The following CPNE2 variants were observed in gnomAD, a reference collection of about 807,000 sequenced individuals.
The protein encoded by CPNE2 is copine 2.
CPNE2 carries 42 observed loss-of-function variants against 69.7 expected under a neutral mutation model. The observed-to-expected ratio is 0.60, with a 90% CI of 0.47 to 0.78. The LOEUF is 0.78. CPNE2 is among the 30% of genes least tolerant of loss of function. CPNE2 has a pLI of 0.00. For missense variants in CPNE2, 587 were observed against 732.0 expected (o/e 0.80, Z 2.29); for synonymous variants, 294 against 289.8 (o/e 1.01, Z -0.15).
rs1234794068 is a variant in CPNE2 at position 57,092,864 on chromosome 16, T to A, written c.-36+74T>A. On this transcript the variant is annotated intron_variant, in intron 1 of 15. Transcript: ENST00000290776. This position sits in a 1 kb window ranked among gnomAD's most constrained non-coding sequence, Gnocchi z 5.3. ...TCGGCCTTGGGGCTGGGCTCTTTGA[T>A]CCAGCTGCGGGTCCGAAGGAACCCG... is the stretch of plus-strand genomic sequence containing the variant. 6.6e-6 allele frequency: 1 copy of A among 151,690 alleles called. No individual in the cohort carries two copies. Among genetic ancestry groups the A allele is most frequent in the African/African-American group, 2.4e-5 (1 of 41,356 alleles). 9.4% of individuals were successfully genotyped at this position (151,690 alleles called of 1,614,324 possible). A position where few individuals can be genotyped will look rare whatever the true frequency, so the allele number is the denominator to read the frequency against.
At chr16:57,111,204 A>G (rs1246251892) in intron 2 of CPNE2, among the ~76,000 whole-genome samples, 4 of 148,304 alleles carry the variant, frequency 2.7e-5, no homozygotes, top group African/African-American at 9.9e-5. Context: ...TTTGAGACGG[A>G]ATCTCTCTGT....
In CPNE2 at chr16:57,097,169, A is replaced by T. The variant is rs569659228; in HGVS notation, c.-36+4379A>T. Among the ~76,000 whole-genome samples the T allele has an allele frequency of 7.2e-5, 11 of 152,196 alleles. No individual in the cohort carries two copies. The East Asian group carries it at 1.2e-3, about 16-fold the overall frequency. On this transcript the variant is annotated intron_variant, in intron 1 of 15. Coordinates refer to ENST00000290776, the MANE Select transcript of CPNE2 (RefSeq NM_152727.6). Reference sequence around the variant, plus strand: ...CCAGCTCAAATGTGGCCTCCTCCACACTGCCCTATCACAATCACTTCACCC... The same window carrying T: ...CCAGCTCAAATGTGGCCTCCTCCACTCTGCCCTATCACAATCACTTCACCC...
chr16:57,128,206 T>C (rs151071839), intron 12 of CPNE2, among the ~76,000 whole-genome samples: 1 of 152,206 alleles, frequency 6.6e-6, no homozygotes, highest in African/African-American at 2.4e-5. Context: ...AGGTAAACAA[T>C]GTTTATTTTT....
rs143328669 is a variant in CPNE2, at chr16:57,103,030, G to A, written c.-35-7678G>A. Among the ~76,000 whole-genome samples the A allele has an allele frequency of 9.9e-3, 1,512 of 152,178 alleles. 30 individuals carry two copies. Among genetic ancestry groups the A allele is most frequent in the African/African-American group, 0.035 (1,451 of 41,504 alleles). ...GCTGGGGATTCAGACCTCACATAATGGGTTCCTAACTAATGCCTGGTACTG... is the reference window on the plus strand; with the variant it reads ...GCTGGGGATTCAGACCTCACATAATAGGTTCCTAACTAATGCCTGGTACTG... On this transcript the variant is annotated intron_variant, in intron 1 of 15. Transcript: ENST00000290776.
intron 13 of CPNE2, among the ~76,000 whole-genome samples, chr16:57,135,580 AAGAAAGAG>A (rs1226541758): frequency 1.3e-5 from 2 of 151,596 alleles, no homozygotes; most frequent in Non-Finnish European, 2.9e-5. Flanking sequence ...GGTGGGAGGA[AAGAAAGAG>A]AGATGGGGAG....
intron 1 of CPNE2, among the ~76,000 whole-genome samples, chr16:57,102,664 C>T (rs1380664810): frequency 2.0e-5 from 3 of 151,324 alleles, no homozygotes; most frequent in South Asian, 2.1e-4. Flanking sequence ...TGCAGTGGCA[C>T]GATCTCAGCT....
intron 5 of CPNE2, 102 bp downstream of exon 5, chr16:57,117,669 C>T (rs764504968): frequency 5.5e-5 from 73 of 1,331,330 alleles, no homozygotes; most frequent in Non-Finnish European, 7.1e-5. Context: ...ACCTCCATCA[C>T]ATTCTAGGGA....
At chr16:57,100,288 C>T (rs1258054519) in intron 1 of CPNE2, among the ~76,000 whole-genome samples, 1 of 152,306 alleles carries the variant, frequency 6.6e-6, no homozygotes, top group East Asian at 1.9e-4. Context: ...GATGGAACAG[C>T]ATATGCAGAA....
intron 1 of CPNE2, among the ~76,000 whole-genome samples, chr16:57,109,368 C>T (rs1173451222): frequency 5.3e-5 from 8 of 151,228 alleles, no homozygotes; most frequent in Non-Finnish European, 7.4e-5. Context: ...CCCAGTTACT[C>T]GGGCGGCTGA....
chr16:57,137,103 T>TG (rs768789234), intron 13 of CPNE2, 46 bp from the exon 14 acceptor site: 115 of 1,602,838 alleles, frequency 7.2e-5, no homozygotes, highest in South Asian at 2.4e-4. Flanking sequence ...AGAGTGGGTA[T>TG]GGGGTCAGGG....
intron 15 of CPNE2, chr16:57,147,314 T>G: frequency 2.6e-6 from 1 of 384,620 alleles, no homozygotes. Flanking sequence ...GCATCTCAAG[T>G]GCTCCAGGTA....
At chr16:57,127,701 G>A (rs2069810328) in intron 11 of CPNE2, 148 bp from the exon 12 acceptor site, 1 of 759,154 alleles carries the variant, frequency 1.3e-6, no homozygotes, top group Admixed American at 2.3e-5. Context: ...TCATTAGGTA[G>A]ATGATCCTAA....
chr16:57,138,108 G>A (rs2069896230), intron 14 of CPNE2, among the ~76,000 whole-genome samples: 1 of 152,168 alleles, frequency 6.6e-6, no homozygotes, highest in African/African-American at 2.4e-5. Flanking sequence ...CGCCGTGACG[G>A]GGAATCAGGC....
chr16:57,115,584 C>T (rs753420113), intron 4 of CPNE2, 34 bp downstream of exon 4: 8 of 1,477,588 alleles, frequency 5.4e-6, no homozygotes, highest in South Asian at 2.3e-5. Context: ...CGCACCCCCT[C>T]CATCCCCACC....
In CPNE2 at chr16:57,134,783, T is replaced by A; in HGVS notation, c.1125T>A (p.His375Gln). The A allele has an allele frequency of 6.2e-7, 1 of 1,613,824 alleles. No individual in the cohort carries two copies. The highest frequency in any genetic ancestry group is 8.5e-7 in the Non-Finnish European group (1 of 1,179,830). Residue 375 changes from histidine (H) to glutamine (Q), a missense_variant, in exon 13 of 16, where the codon CAT becomes CAA. Transcript: ENST00000290776. Reference protein sequence around the residue: ...AQLPPDWKVSHEFAINFNPTN... With the variant: ...AQLPPDWKVSQEFAINFNPTN... ...TTTTCTCTGCGTTTCAGGTCTCCCA[T>A]GAGTTTGCCATCAACTTCAACCCCA... is the stretch of plus-strand genomic sequence containing the variant.
intron 4 of CPNE2, among the ~76,000 whole-genome samples, chr16:57,116,364 C>A (rs1418496739): frequency 2.6e-5 from 4 of 152,162 alleles, no homozygotes; most frequent in Non-Finnish European, 4.4e-5. Flanking sequence ...ACAACCTCCC[C>A]CAACCTCTTG....
At chr16:57,099,577 C>T (rs1254100118) in intron 1 of CPNE2, among the ~76,000 whole-genome samples, 3 of 138,780 alleles carry the variant, frequency 2.2e-5, no homozygotes, top group Admixed American at 1.5e-4. Context: ...AAATTTTGGC[C>T]GTCCTGGGGG....
chr16:57,110,059 A>T (rs1470567398), intron 1 of CPNE2, among the ~76,000 whole-genome samples: 1 of 152,152 alleles, frequency 6.6e-6, no homozygotes, highest in Non-Finnish European at 1.5e-5. Flanking sequence ...TGGCACAATT[A>T]GTATCTGAGA....
At chr16:57,121,867 G>C (rs1198811959) in intron 9 of CPNE2, 107 bp downstream of exon 9, 4 of 1,042,342 alleles carry the variant, frequency 3.8e-6, no homozygotes, top group Non-Finnish European at 5.8e-6. Flanking sequence ...TTCAAATCCC[G>C]GCTCTGCCAC....
Sources: gnomAD v4.1 joint callset for allele counts (sites outside exome capture counted in the v4.1 genomes callset) on GRCh38, gnomAD v4.1.1 for gene constraint, Gnocchi (gnomAD v3.1) non-coding constraint, MANE v1.5 for transcripts, NCBI Gene and HGNC (gene_info 2026-07-23, HGNC 2026-07-21) for gene names.